Variants in CLEC2A observed in about 807,000 individuals in gnomAD.
CLEC2A encodes C-type lectin domain family 2 member A.
Under a neutral mutation model 18.6 loss-of-function variants are expected in CLEC2A, and 19 were observed. That is an observed-to-expected ratio of 1.02 (90% CI 0.71 to 1.50). The LOEUF (loss-of-function observed/expected upper bound fraction) is 1.50. Ranked by LOEUF, CLEC2A falls within the 40% of genes most tolerant of loss-of-function variation. The pLI is 0.00. For missense variants in CLEC2A, 190 were observed against 207.9 expected (o/e 0.91, Z 0.53); for synonymous variants, 74 against 64.0 (o/e 1.16, Z -0.75).
At chr12:9,919,774 G>C (rs1335736641) in intron 3 of CLEC2A, among the ~76,000 whole-genome samples, 1 of 152,168 alleles carries the variant, frequency 6.6e-6, no homozygotes, top group Non-Finnish European at 1.5e-5. Context: ...CAACAGTGAA[G>C]CCTACAAAAC....
At chr12:9,888,842 C>A in the CLEC2A span, 1 of 996,508 alleles carries the variant, frequency 1.0e-6, no homozygotes, top group Non-Finnish European at 1.5e-6. Flanking sequence ...TGGCTTCCCT[C>A]TTCCTGGCGT....
chr12:9,902,942 G>A (rs11053504), intron 4 of CLEC2A, among the ~76,000 whole-genome samples: 1 of 152,244 alleles, frequency 6.6e-6, no homozygotes, highest in East Asian at 1.9e-4. Context: ...AGGAGGGAAG[G>A]GAAGAGGTCT....
chr12:9,881,768 G>A, the CLEC2A span: 1 of 840,006 alleles, frequency 1.2e-6, no homozygotes, highest in Non-Finnish European at 1.9e-6. Context: ...ATCATAATAA[G>A]GAATATAAAA....
At position 9,913,701 on chromosome 12, in the gene CLEC2A, T is replaced by A. The variant is rs542623105; in HGVS notation, c.411-21A>T. 2.7e-6 allele frequency: 4 copies of A among 1,464,936 alleles called. No individual in the cohort carries two copies. In the East Asian group the frequency reaches 9.9e-5, roughly 36 times the overall value. 90.7% of individuals were successfully genotyped at this position (1,464,936 alleles called of 1,614,324 possible). ...CAAACCTGAAAAAGAACACTCTAAATCAGTCTGGGAACCACTTACGGCTGT... is the reference window on the plus strand; with the variant it reads ...CAAACCTGAAAAAGAACACTCTAAAACAGTCTGGGAACCACTTACGGCTGT... On this transcript the variant is annotated intron_variant, in intron 4 of 4. Coordinates refer to ENST00000455827, the MANE Select transcript of CLEC2A (RefSeq NM_001130711.2).
the CLEC2A span, among the ~76,000 whole-genome samples, chr12:9,887,890 A>T: frequency 1.3e-5 from 2 of 151,468 alleles, no homozygotes; most frequent in African/African-American, 4.9e-5. Flanking sequence ...CGTCCCTAAT[A>T]AAAAAATACA....
the CLEC2A span, among the ~76,000 whole-genome samples, chr12:9,884,488 T>C: frequency 6.6e-6 from 1 of 151,260 alleles, no homozygotes; most frequent in Middle Eastern, 3.5e-3. Flanking sequence ...AGTGAGTCAC[T>C]AAATTGAATA....
chr12:9,915,752 G>A (rs1436076372), intron 4 of CLEC2A, among the ~76,000 whole-genome samples: 1 of 152,118 alleles, frequency 6.6e-6, no homozygotes, highest in Non-Finnish European at 1.5e-5. Flanking sequence ...GCTAATGCAT[G>A]TGGAGCTTCA....
the CLEC2A span, chr12:9,888,754 A>C: frequency 4.0e-6 from 6 of 1,504,674 alleles, no homozygotes; most frequent in Non-Finnish European, 4.5e-6. Context: ...GATTTCTCCC[A>C]GAATGTAAAC....
chr12:9,902,352 G>GC (rs545253485), intron 4 of CLEC2A, among the ~76,000 whole-genome samples: 227 of 151,266 alleles, frequency 1.5e-3, no homozygotes, highest in African/African-American at 5.4e-3. Context: ...TCCTGCCTCA[G>GC]CCCCCAAGTA....
At chr12:9,909,715 C>T (rs201757039), downstream of CLEC2A, among the ~76,000 whole-genome samples, 9 of 152,106 alleles carry the variant, frequency 5.9e-5, no homozygotes, top group Admixed American at 2.6e-4. Context: ...CTCTACCTCA[C>T]GTTGGAGTCC....
intron 1 of CLEC2A, among the ~76,000 whole-genome samples, chr12:9,930,296 A>G (rs1176538830): frequency 1.3e-5 from 2 of 152,202 alleles, no homozygotes; most frequent in East Asian, 3.8e-4. Context: ...ACCAGATCAC[A>G]TTCTGAGGTA....
chr12:9,911,059 T>C (rs1862978339), downstream of CLEC2A, among the ~76,000 whole-genome samples: 1 of 152,204 alleles, frequency 6.6e-6, no homozygotes, highest in Non-Finnish European at 1.5e-5. Context: ...TTTTTATTCC[T>C]AACACGGTCC....
At chr12:9,918,771 ACT>A (rs572855546) in intron 3 of CLEC2A, among the ~76,000 whole-genome samples, 2 of 152,250 alleles carry the variant, frequency 1.3e-5, no homozygotes, top group East Asian at 3.9e-4. Context: ...TGACACTCTG[ACT>A]ATTTGAGTTA....
intron 1 of CLEC2A, among the ~76,000 whole-genome samples, chr12:9,928,024 G>A (rs1263214544): frequency 1.3e-5 from 2 of 152,038 alleles, no homozygotes; most frequent in African/African-American, 4.8e-5. Context: ...TATTTAAGAC[G>A]TATTATTGAC....
the CLEC2A span, among the ~76,000 whole-genome samples, chr12:9,889,142 T>C: frequency 1.3e-5 from 2 of 152,200 alleles, no homozygotes; most frequent in Admixed American, 6.5e-5. Context: ...GATAGACCTA[T>C]GTTTGAATCA....
At chr12:9,923,296 A>C (rs1294715236) in intron 2 of CLEC2A, among the ~76,000 whole-genome samples, 1 of 152,240 alleles carries the variant, frequency 6.6e-6, no homozygotes, top group Non-Finnish European at 1.5e-5. Context: ...CTCAAAGAAG[A>C]CATTTACGCA....
chr12:9,903,099 C>T (rs1160401234), intron 4 of CLEC2A, among the ~76,000 whole-genome samples: 6 of 151,808 alleles, frequency 4.0e-5, no homozygotes, highest in Non-Finnish European at 7.4e-5. Context: ...GAAGTTTTGG[C>T]CTCTGAACAA....
chr12:9,905,384 C>A (rs777008118), intron 4 of CLEC2A, among the ~76,000 whole-genome samples: 7 of 152,274 alleles, frequency 4.6e-5, no homozygotes, highest in Non-Finnish European at 8.8e-5. Context: ...CCAAGGGTGG[C>A]GTCTGTGCTA....
At chr12:9,906,681 C>T (rs927171550) in intron 4 of CLEC2A, among the ~76,000 whole-genome samples, 3 of 152,170 alleles carry the variant, frequency 2.0e-5, no homozygotes, top group Non-Finnish European at 2.9e-5. Context: ...CTTCCTGACC[C>T]GATTTCTACT....
Sources: allele counts gnomAD v4.1 joint callset (sites outside exome capture counted in the v4.1 genomes callset), GRCh38; gene constraint gnomAD v4.1.1; transcripts MANE v1.5; gene names NCBI Gene and HGNC (gene_info 2026-07-23, HGNC 2026-07-21).